The following TENM2 variants were observed in gnomAD, a reference collection of about 807,000 sequenced individuals.
The protein encoded by TENM2 is teneurin transmembrane protein 2, also known as teneurin-2.
Under a neutral mutation model 245.2 loss-of-function variants are expected in TENM2, and 52 were observed. The ratio of observed to expected loss-of-function variants is 0.21; its 90% confidence interval spans 0.17 to 0.27. The LOEUF is 0.27. TENM2 is among the 10% of genes least tolerant of loss of function. TENM2 has a pLI of 1.00. For synonymous variants in TENM2, 1,363 were observed against 1,438.9 expected (o/e 0.95, Z 1.19); for missense variants, 3,046 against 3,666.8 (o/e 0.83, Z 4.37).
chr5:167,845,173 A>G (rs1769917822), intron 2 of TENM2, among the ~76,000 whole-genome samples: 1 of 150,976 alleles, frequency 6.6e-6, no homozygotes, highest in South Asian at 2.1e-4. Flanking sequence ...TTTTTGTTTT[A>G]ATGTTTTACA....
rs561105771 is a variant in TENM2, at chr5:167,938,661, G to T, written c.713-13927G>T. 15 of 152,296 alleles carry T rather than the reference G, an allele frequency of 9.8e-5. No homozygotes were observed. In the East Asian group the frequency reaches 2.7e-3, roughly 27 times the overall value. The allele number at this position is 152,296 out of a possible 1,614,324, so 9.4% of individuals were successfully genotyped here. A position where few individuals can be genotyped will look rare whatever the true frequency, so the allele number is the denominator to read the frequency against. On this transcript the variant is annotated intron_variant, in intron 3 of 28. Transcript: ENST00000518659. The stretch of plus-strand genomic sequence containing the variant: ...ATGAAGGAACATGTGAACAAATGAA[G>T]ACGTGAATAAAGGAACAAATGAACA...
At chr5:167,977,880 A>G (rs940712397) in intron 4 of TENM2, among the ~76,000 whole-genome samples, 3 of 152,154 alleles carry the variant, frequency 2.0e-5, no homozygotes, top group Non-Finnish European at 4.4e-5. Flanking sequence ...GTGATCCCCA[A>G]TGTTGGAGGC....
At chr5:167,525,193 C>T (rs1011557952) in intron 2 of TENM2, among the ~76,000 whole-genome samples, 6 of 152,152 alleles carry the variant, frequency 3.9e-5, no homozygotes, top group African/African-American at 9.6e-5. Flanking sequence ...CCTTTGAATG[C>T]GCAAATCTGT....
chr5:167,812,574 G>A (rs759887067), intron 2 of TENM2, among the ~76,000 whole-genome samples: 10 of 152,176 alleles, frequency 6.6e-5, no homozygotes, highest in African/African-American at 2.4e-4. Context: ...AATGTACCAG[G>A]ATTTCTTAGA....
At chr5:167,034,731 ACT>A in the TENM2 span, among the ~76,000 whole-genome samples, 31 of 151,654 alleles carry the variant, frequency 2.0e-4, no homozygotes, top group Non-Finnish European at 2.6e-4. Context: ...TTTCCAAGAG[ACT>A]CTATCTGTGT....
chr5:167,102,762 G>A, the TENM2 span, among the ~76,000 whole-genome samples: 17 of 152,322 alleles, frequency 1.1e-4, no homozygotes, highest in East Asian at 2.5e-3. Context: ...AGGTTCATGC[G>A]ATTTTCCTGC....
intron 13 of TENM2, among the ~76,000 whole-genome samples, chr5:168,180,544 G>C (rs941291208): frequency 6.6e-6 from 1 of 152,200 alleles, no homozygotes; most frequent in African/African-American, 2.4e-5. Context: ...CAGTCACTCA[G>C]AACAGAGGTC....
chr5:167,328,144 A>AGTTT (rs1757199042), intron 1 of TENM2, among the ~76,000 whole-genome samples: 1 of 145,668 alleles, frequency 6.9e-6, no homozygotes, highest in South Asian at 2.2e-4. Flanking sequence ...AAAAAAAAAA[A>AGTTT]TCAGTTTTCT....
chr5:167,543,795 C>T (rs562229336), intron 2 of TENM2, among the ~76,000 whole-genome samples: 3 of 152,204 alleles, frequency 2.0e-5, no homozygotes, highest in African/African-American at 4.8e-5. Flanking sequence ...GGCTTGCAGT[C>T]GCAGCATTCC....
chr5:167,135,883 GT>G, the TENM2 span, among the ~76,000 whole-genome samples: 1 of 152,146 alleles, frequency 6.6e-6, no homozygotes, highest in African/African-American at 2.4e-5. Context: ...ATCTGTCCTG[GT>G]TGATTGAAAG....
the TENM2 span, among the ~76,000 whole-genome samples, chr5:167,109,538 C>T: frequency 1.9e-4 from 29 of 152,200 alleles, no homozygotes; most frequent in African/African-American, 7.0e-4. Context: ...ATACAACTCA[C>T]TTCCCACGTT....
At chr5:167,788,548 C>T (rs1764734517) in intron 2 of TENM2, among the ~76,000 whole-genome samples, 2 of 152,126 alleles carry the variant, frequency 1.3e-5, no homozygotes, top group Admixed American at 1.3e-4. Context: ...AAGAAGATCT[C>T]AGAAATAAGG....
chr5:167,872,414 AAG>A (rs949285946), intron 2 of TENM2, among the ~76,000 whole-genome samples: 14 of 150,994 alleles, frequency 9.3e-5, no homozygotes, highest in Admixed American at 2.0e-4. Flanking sequence ...AAAAAAGAGA[AAG>A]AGAGAGACAG....
At chr5:167,263,542 A>G in the TENM2 span, among the ~76,000 whole-genome samples, 1 of 152,056 alleles carries the variant, frequency 6.6e-6, no homozygotes, top group South Asian at 2.1e-4. Context: ...TTGGATCTTA[A>G]TCTCCACTCT....
At chr5:167,247,595 G>A in the TENM2 span, among the ~76,000 whole-genome samples, 1 of 152,118 alleles carries the variant, frequency 6.6e-6, no homozygotes, top group East Asian at 1.9e-4. Context: ...AGATGAGGGT[G>A]CCAGCCTGCC....
At chr5:167,890,166 T>A (rs1422497735) in intron 3 of TENM2, among the ~76,000 whole-genome samples, 1 of 152,154 alleles carries the variant, frequency 6.6e-6, no homozygotes, top group Non-Finnish European at 1.5e-5. Flanking sequence ...TTGAGTCAGA[T>A]GTTTTGAAAG....
At chr5:167,663,755 T>C (rs1172454034) in intron 2 of TENM2, among the ~76,000 whole-genome samples, 1 of 152,206 alleles carries the variant, frequency 6.6e-6, no homozygotes, top group East Asian at 1.9e-4. Context: ...GGATAAATTA[T>C]ATCTTTCAAT....
At chr5:168,238,483 G>A (rs755968344) in intron 25 of TENM2, among the ~76,000 whole-genome samples, 1 of 152,134 alleles carries the variant, frequency 6.6e-6, no homozygotes, top group Non-Finnish European at 1.5e-5. Context: ...ACTCAAAGCA[G>A]GATGGGCAAA....
intron 2 of TENM2, among the ~76,000 whole-genome samples, chr5:167,644,076 C>G (rs921117826): frequency 6.6e-6 from 1 of 152,022 alleles, no homozygotes. Context: ...AAATTATCCA[C>G]CTGGATCCAT....
Sources: gnomAD v4.1 joint callset for allele counts (sites outside exome capture counted in the v4.1 genomes callset) on GRCh38, gnomAD v4.1.1 for gene constraint, MANE v1.5 for transcripts, NCBI Gene and HGNC (gene_info 2026-07-23, HGNC 2026-07-21) for gene names.